CNTN1: variants seen among roughly 807,000 people sequenced by gnomAD.
The protein encoded by CNTN1 is contactin 1.
In CNTN1, 38 loss-of-function variants were observed where a neutral mutation model predicts 126.4. The ratio of observed to expected loss-of-function variants is 0.30; its 90% CI spans 0.23 to 0.39. The LOEUF (loss-of-function observed/expected upper bound fraction) is 0.39. CNTN1 is among the 10% of genes least tolerant of loss of function. CNTN1 has a pLI of 1.00. For synonymous variants in CNTN1, 413 were observed against 422.6 expected (o/e 0.98, Z 0.28); for missense variants, 1,009 against 1,248.4 (o/e 0.81, Z 2.89).
chr12:40,774,126 G>A (rs1939483491), intron 1 of CNTN1, among the ~76,000 whole-genome samples: 1 of 151,600 alleles, frequency 6.6e-6, no homozygotes, highest in Non-Finnish European at 1.5e-5. Flanking sequence ...AAGGAAGATT[G>A]TAAGATAACA....
At chr12:40,939,196 A>T in intron 11 of CNTN1, 139 bp from the exon 12 acceptor site, 1 of 864,788 alleles carries the variant, frequency 1.2e-6, no homozygotes, top group East Asian at 2.7e-5. Flanking sequence ...TAGAATGCCT[A>T]TTGGTGACAG....
chr12:40,694,998 C>A (rs1033532023), intron 1 of CNTN1, among the ~76,000 whole-genome samples: 8 of 152,164 alleles, frequency 5.3e-5, no homozygotes, highest in African/African-American at 1.4e-4. Context: ...ATGGTTCTAA[C>A]AAAACGATCA....
intron 1 of CNTN1, among the ~76,000 whole-genome samples, chr12:40,878,694 T>G (rs1026358388): frequency 6.6e-6 from 1 of 152,236 alleles, no homozygotes; most frequent in African/African-American, 2.4e-5. Flanking sequence ...TAATAACACA[T>G]TTTTGTAATT....
chr12:40,912,130 AT>A (rs1208983670), intron 3 of CNTN1, among the ~76,000 whole-genome samples: 1 of 152,242 alleles, frequency 6.6e-6, no homozygotes, highest in Non-Finnish European at 1.5e-5. Context: ...AAACAAAAAC[AT>A]TTTAAATTTG....
chr12:40,878,265 G>C (rs1943745031), intron 1 of CNTN1, among the ~76,000 whole-genome samples: 1 of 150,624 alleles, frequency 6.6e-6, no homozygotes, highest in Admixed American at 6.6e-5. Context: ...CAAAGTGGTG[G>C]GATTACAGGC....
At chr12:40,891,172 A>G (rs184505741) in intron 1 of CNTN1, among the ~76,000 whole-genome samples, 1 of 152,188 alleles carries the variant, frequency 6.6e-6, no homozygotes, top group East Asian at 1.9e-4. Context: ...TTCTTTGGTG[A>G]GATGTCTCTT....
chr12:40,885,472 G>C (rs1943998095), intron 1 of CNTN1, among the ~76,000 whole-genome samples: 1 of 151,894 alleles, frequency 6.6e-6, no homozygotes, highest in Non-Finnish European at 1.5e-5. Context: ...ATGGACTCTA[G>C]AGCTAAACTG....
Position 40,966,858 on chromosome 12 carries a change from C to T in CNTN1, c.1804+7624C>T, listed in dbSNP as rs140286154. 9.2e-3 allele frequency among the ~76,000 whole-genome samples: 1,395 copies of T among 151,954 alleles called. 21 individuals are homozygous for T. Among genetic ancestry groups the T allele is most frequent in the Admixed American group, 0.036 (553 of 15,248 alleles). Reference sequence around the variant, plus strand: ...AAGGATAAGAAGATACTATGTTATGCGCTAATATAAATTTAGATTTTTCTT... The same window carrying T: ...AAGGATAAGAAGATACTATGTTATGTGCTAATATAAATTTAGATTTTTCTT... On this transcript the variant is annotated intron_variant, in intron 15 of 23. Transcript: ENST00000551295.
intron 21 of CNTN1, among the ~76,000 whole-genome samples, chr12:41,026,234 A>C (rs1949035391): frequency 6.6e-6 from 1 of 152,182 alleles, no homozygotes; most frequent in South Asian, 2.1e-4. Context: ...TGTGCTCAGC[A>C]CTATTCTTGA....
chr12:40,933,612 G>A (rs554314947), intron 8 of CNTN1, 52 bp downstream of exon 8: 205 of 1,531,130 alleles, frequency 1.3e-4, no homozygotes, highest in Middle Eastern at 1.7e-4. Flanking sequence ...ACCATTTTAG[G>A]AAATAAATAA....
chr12:40,906,966 C>G (rs1049106290), intron 1 of CNTN1, among the ~76,000 whole-genome samples: 1 of 152,118 alleles, frequency 6.6e-6, no homozygotes, highest in African/African-American at 2.4e-5. Context: ...GTGTGAGCCA[C>G]TGTGCCCAGC....
At chr12:40,884,589 C>T (rs943228844) in intron 1 of CNTN1, among the ~76,000 whole-genome samples, 3 of 151,348 alleles carry the variant, frequency 2.0e-5, no homozygotes, top group African/African-American at 7.3e-5. Flanking sequence ...AAATATTAAT[C>T]ATTGCATCCA....
In CNTN1 at chr12:41,070,237, G is replaced by T. The variant is rs756378302; in HGVS notation, c.*202G>T. On this transcript the variant is annotated 3_prime_UTR_variant, in exon 24 of 24. Transcript: ENST00000551295. The stretch of plus-strand genomic sequence containing the variant: ...CATCCAAAAGAATAAACTTTTAAAT[G>T]GATATAAATGATTTTTAACTCGTTC... 10 of 601,404 alleles carry T rather than the reference G, an allele frequency of 1.7e-5. No homozygotes were observed. The highest frequency in any genetic ancestry group is 3.7e-5 in the African/African-American group (2 of 53,846). 37.3% of individuals were successfully genotyped at this position (601,404 alleles called of 1,614,324 possible). A position where few individuals can be genotyped will look rare whatever the true frequency, so the allele number is the denominator to read the frequency against.
intron 1 of CNTN1, among the ~76,000 whole-genome samples, chr12:40,724,447 A>G (rs1233775803): frequency 6.6e-6 from 1 of 152,218 alleles, no homozygotes; most frequent in Non-Finnish European, 1.5e-5. Flanking sequence ...CTTCCAACAC[A>G]ACTTAATTTC....
intron 1 of CNTN1, among the ~76,000 whole-genome samples, chr12:40,872,571 C>CTTTTTTTTTTTTTTTT (rs35866838): frequency 8.3e-5 from 9 of 108,638 alleles, no homozygotes; most frequent in Non-Finnish European, 1.1e-4. Flanking sequence ...TTTTTTCTTT[C>CTTTTTTTTTTTTTTTT]TTTTTTTTTT....
chr12:40,906,533 C>T (rs542522131), intron 1 of CNTN1, among the ~76,000 whole-genome samples: 2 of 152,092 alleles, frequency 1.3e-5, no homozygotes, highest in Admixed American at 6.5e-5. Context: ...TAAATAGACT[C>T]CTATATTTTT....
At chr12:40,865,821 T>A (rs765084097) in intron 1 of CNTN1, among the ~76,000 whole-genome samples, 14 of 152,046 alleles carry the variant, frequency 9.2e-5, no homozygotes, top group Non-Finnish European at 1.9e-4. Flanking sequence ...GATTTTCATA[T>A]TAATTTTAAG....
chr12:40,751,131 C>A (rs1473536949), intron 1 of CNTN1, among the ~76,000 whole-genome samples: 2 of 151,840 alleles, frequency 1.3e-5, no homozygotes, highest in African/African-American at 4.8e-5. Context: ...GGATGAAGAC[C>A]AAAAAGAGAC....
intron 1 of CNTN1, among the ~76,000 whole-genome samples, chr12:40,890,042 AAAAG>A (rs1204889477): frequency 6.6e-6 from 1 of 152,212 alleles, no homozygotes; most frequent in African/African-American, 2.4e-5. Flanking sequence ...TTATCAATAA[AAAAG>A]AAATACAGAT....
Sources: gnomAD v4.1 joint callset for allele counts (sites outside exome capture counted in the v4.1 genomes callset) on GRCh38, gnomAD v4.1.1 for gene constraint, MANE v1.5 for transcripts, NCBI Gene and HGNC (gene_info 2026-07-23, HGNC 2026-07-21) for gene names.